The following NCKAP5 variants were observed in gnomAD, a reference collection of about 807,000 sequenced individuals.
The protein encoded by NCKAP5 is nck-associated protein 5.
NCKAP5 carries 92 observed loss-of-function variants against 167.0 expected under a neutral mutation model. That is an observed-to-expected ratio of 0.55 (90% CI 0.47 to 0.66). NCKAP5 has a LOEUF of 0.66. Among genes scored for constraint, NCKAP5 ranks in the 30% least tolerant of loss-of-function variants. The pLI is 0.00. For missense variants in NCKAP5, 2,378 were observed against 2,315.0 expected (o/e 1.03, Z -0.56); for synonymous variants, 891 against 877.4 (o/e 1.02, Z -0.27).
At chr2:133,475,480 A>T (rs575302976) in intron 3 of NCKAP5, among the ~76,000 whole-genome samples, 2 of 152,352 alleles carry the variant, frequency 1.3e-5, no homozygotes, top group African/African-American at 4.8e-5. Context: ...AGAAACTTAG[A>T]TTAACTTCTT....
chr2:132,949,880 G>A (rs1269381274), intron 8 of NCKAP5, among the ~76,000 whole-genome samples: 1 of 152,146 alleles, frequency 6.6e-6, no homozygotes, highest in African/African-American at 2.4e-5. Context: ...GATCACTTGA[G>A]GTCAGGAGTT....
At chr2:132,922,094 C>T (rs1695478643) in intron 8 of NCKAP5, among the ~76,000 whole-genome samples, 1 of 152,194 alleles carries the variant, frequency 6.6e-6, no homozygotes, top group Non-Finnish European at 1.5e-5. Flanking sequence ...ATGACACCAC[C>T]TGGGTTCATG....
chr2:132,756,176 A>G (rs1680538772), intron 16 of NCKAP5, among the ~76,000 whole-genome samples: 1 of 152,078 alleles, frequency 6.6e-6, no homozygotes, highest in South Asian at 2.1e-4. Flanking sequence ...AGGCAAATAC[A>G]TGCTGGTAAC....
intron 4 of NCKAP5, among the ~76,000 whole-genome samples, chr2:133,257,081 C>T (rs956322195): frequency 5.9e-5 from 9 of 152,256 alleles, no homozygotes; most frequent in Middle Eastern, 3.4e-3. Context: ...GGAATCAATA[C>T]GAACTTTTTC....
chr2:133,222,883 C>T (rs2086715702), intron 4 of NCKAP5, among the ~76,000 whole-genome samples: 1 of 152,200 alleles, frequency 6.6e-6, no homozygotes, highest in Admixed American at 6.5e-5. Flanking sequence ...TCTGTAGCTA[C>T]CATTGCCTGT....
At chr2:132,957,861 G>A (rs1370161223) in intron 8 of NCKAP5, among the ~76,000 whole-genome samples, 4 of 152,122 alleles carry the variant, frequency 2.6e-5, no homozygotes, top group African/African-American at 9.7e-5. Flanking sequence ...ATCTAGACAG[G>A]CAGGCCTCAC....
intron 5 of NCKAP5, among the ~76,000 whole-genome samples, chr2:133,169,769 AT>A (rs1227646453): frequency 6.6e-6 from 1 of 152,172 alleles, no homozygotes; most frequent in African/African-American, 2.4e-5. Context: ...AGAAAATACA[AT>A]TGCTTTTGCA....
chr2:133,443,090 G>C lies in NCKAP5; in HGVS notation c.69+74368C>G, dbSNP rs1050469060. Among the ~76,000 whole-genome samples the C allele has an allele frequency of 3.9e-5, 6 of 152,184 alleles. No homozygotes were observed. In the East Asian group the frequency reaches 1.2e-3, roughly 29 times the overall value. On this transcript the variant is annotated intron_variant, in intron 3 of 19. Coordinates refer to ENST00000409261, the MANE Select transcript of NCKAP5 (RefSeq NM_207363.3). ...CTGCCTGATGGCAAAATACAAAAAC[G>C]AAACCTAAAACTAGTCCAGGATTGA...
At chr2:133,618,182 AC>A in the NCKAP5 span, among the ~76,000 whole-genome samples, 1 of 152,154 alleles carries the variant, frequency 6.6e-6, no homozygotes, top group South Asian at 2.1e-4. Flanking sequence ...TAAACGTTAG[AC>A]CTAAAACCAT....
chr2:133,387,501 G>C (rs1687072366), intron 3 of NCKAP5, among the ~76,000 whole-genome samples: 1 of 152,088 alleles, frequency 6.6e-6, no homozygotes, highest in Non-Finnish European at 1.5e-5. Context: ...TTTCAACTTT[G>C]ATGAATCTGA....
In NCKAP5 at chr2:132,692,399, C is replaced by A. The variant is rs369601611; in HGVS notation, c.5714-19094G>T. Reference sequence around the variant, plus strand: ...AACTGCTGACCTCAGGTGATCCTCCCACCTCGCCCTTCCAAAATCCTGCTT... The same window carrying A: ...AACTGCTGACCTCAGGTGATCCTCCAACCTCGCCCTTCCAAAATCCTGCTT... On this transcript the variant is annotated intron_variant, in intron 19 of 19. Coordinates refer to ENST00000409261, the MANE Select transcript of NCKAP5 (RefSeq NM_207363.3). Among the ~76,000 whole-genome samples the A allele has an allele frequency of 7.2e-5, 11 of 152,184 alleles. No homozygotes were observed. In the East Asian group the frequency reaches 2.1e-3, roughly 29 times the overall value.
chr2:133,426,229 C>T (rs887942090), intron 3 of NCKAP5, among the ~76,000 whole-genome samples: 4 of 151,744 alleles, frequency 2.6e-5, no homozygotes, highest in African/African-American at 9.7e-5. Flanking sequence ...GAAGTCACAC[C>T]ATTACACTCC....
chr2:133,561,761 A>G (rs2105021406), intron 1 of NCKAP5, among the ~76,000 whole-genome samples: 1 of 152,358 alleles, frequency 6.6e-6, no homozygotes, highest in South Asian at 2.1e-4. Flanking sequence ...TGACTTGAGA[A>G]TATAACTACT....
intron 2 of NCKAP5, among the ~76,000 whole-genome samples, chr2:133,543,451 T>C (rs1686394632): frequency 1.3e-5 from 2 of 152,212 alleles, no homozygotes; most frequent in African/African-American, 4.8e-5. Context: ...ACCAAGTAAG[T>C]GTACGAGAAA....
At chr2:133,443,083 C>A (rs1177108917) in intron 3 of NCKAP5, among the ~76,000 whole-genome samples, 1 of 152,186 alleles carries the variant, frequency 6.6e-6, no homozygotes, top group South Asian at 2.1e-4. Flanking sequence ...TGGCAAAATA[C>A]AAAAACGAAA....
chr2:133,114,884 C>A (rs1167244210), intron 6 of NCKAP5, among the ~76,000 whole-genome samples: 1 of 152,134 alleles, frequency 6.6e-6, no homozygotes, highest in East Asian at 1.9e-4. Flanking sequence ...TCAAGAGACA[C>A]AAGATGTATA....
the NCKAP5 span, among the ~76,000 whole-genome samples, chr2:133,620,370 A>G: frequency 6.6e-6 from 1 of 152,114 alleles, no homozygotes; most frequent in Admixed American, 6.6e-5. Context: ...TGCTGTCTTC[A>G]GGAGACTCAC....
At chr2:132,703,358 TTTTTTGGAAATTA>T (rs1688055420) in intron 19 of NCKAP5, among the ~76,000 whole-genome samples, 1 of 152,204 alleles carries the variant, frequency 6.6e-6, no homozygotes, top group African/African-American at 2.4e-5. Flanking sequence ...TTGGAAATTC[TTTTTTGGAAATTA>T]TTTTCAGAAT....
chr2:133,558,353 G>C (rs1687896004), intron 2 of NCKAP5: 2 of 152,248 alleles, frequency 1.3e-5, no homozygotes, highest in African/African-American at 2.4e-5. Context: ...TGAGGAGGGA[G>C]AATAAGAGCA....
Sources: gnomAD v4.1 joint callset for allele counts (sites outside exome capture counted in the v4.1 genomes callset) on GRCh38, gnomAD v4.1.1 for gene constraint, MANE v1.5 for transcripts, NCBI Gene and HGNC (gene_info 2026-07-23, HGNC 2026-07-21) for gene names.